Variants in FGF13 observed in about 807,000 individuals in gnomAD.
The protein encoded by FGF13 is fibroblast growth factor homologous factor 2.
FGF13 carries 2 observed loss-of-function variants against 19.5 expected under a neutral mutation model. That is an observed-to-expected ratio of 0.10 (90% CI 0.04 to 0.32). The LOEUF is 0.32. Among genes scored for constraint, FGF13 ranks in the 10% least tolerant of loss-of-function variants. FGF13 has a pLI of 1.00. For synonymous variants in FGF13, 72 were observed against 76.9 expected (o/e 0.94, Z 0.33); for missense variants, 113 against 192.7 (o/e 0.59, Z 2.45).
chrX:139,169,837 A>G (rs919947258), intron 1 of FGF13, among the ~76,000 whole-genome samples: 3 of 111,836 alleles, frequency 2.7e-5, no homozygotes, highest in Non-Finnish European at 5.6e-5. Context: ...GTGCCCAACC[A>G]TGACAGCAAG....
chrX:139,058,721 C>G (rs752838433), intron 1 of FGF13, among the ~76,000 whole-genome samples: 6 of 111,256 alleles, frequency 5.4e-5, no homozygotes, highest in Non-Finnish European at 1.1e-4. Flanking sequence ...TACACATCAA[C>G]AAATGTATTA....
At chrX:138,794,658 G>T (rs761752479) in intron 3 of FGF13, among the ~76,000 whole-genome samples, 1 of 111,461 alleles carries the variant, frequency 9.0e-6, no homozygotes, top group South Asian at 3.8e-4. Context: ...TTTAGTCGCG[G>T]AGAACATCAA....
intron 1 of FGF13, among the ~76,000 whole-genome samples, chrX:139,025,274 GCTACA>G (rs2092196697): frequency 9.0e-6 from 1 of 111,643 alleles, no homozygotes; most frequent in Admixed American, 9.5e-5. Context: ...TGGATTTTCA[GCTACA>G]CTCTTTTATA....
chrX:138,875,017 G>A (rs1176031620), intron 1 of FGF13, among the ~76,000 whole-genome samples: 3 of 110,171 alleles, frequency 2.7e-5, no homozygotes, highest in African/African-American at 6.6e-5. Flanking sequence ...CGAGGCGGGC[G>A]GATCATGAGG....
intron 1 of FGF13, among the ~76,000 whole-genome samples, chrX:138,965,188 C>G (rs1569431888): frequency 8.9e-6 from 1 of 112,636 alleles, no homozygotes; most frequent in East Asian, 2.8e-4. Flanking sequence ...CTCTCACCTC[C>G]ACTTCCTTTA....
chrX:138,978,310 T>G (rs1013449542), intron 1 of FGF13, among the ~76,000 whole-genome samples: 4 of 92,288 alleles, frequency 4.3e-5, no homozygotes, highest in Admixed American at 1.3e-4. Flanking sequence ...TCGCCCAGGC[T>G]GGAGTGCAGT....
chrX:138,997,275 C>G (rs1240364170), intron 1 of FGF13, among the ~76,000 whole-genome samples: 1 of 111,940 alleles, frequency 8.9e-6, no homozygotes, highest in East Asian at 2.8e-4. Flanking sequence ...CGCCTCTTCT[C>G]CTACAAAGGA....
At position 138,957,448 on chromosome X, in the gene FGF13, G is replaced by C. The variant is rs745694512; in HGVS notation, c.-112-92798C>G. 3.6e-5 allele frequency among the ~76,000 whole-genome samples: 4 copies of C among 111,978 alleles called. No homozygotes were observed. The East Asian group carries it at 1.1e-3, about 32-fold the overall frequency. ...TTAAAAGTTCAGACATCAGAAGCCA[G>C]GTAGCGTGATGCCTCCAGCTTTGTT... On this transcript the variant is annotated intron_variant, in intron 1 of 2. Transcript: ENST00000421460.
At chrX:139,040,912 G>A (rs2092267077) in intron 1 of FGF13, among the ~76,000 whole-genome samples, 1 of 110,541 alleles carries the variant, frequency 9.0e-6, no homozygotes, top group African/African-American at 3.3e-5. Flanking sequence ...GCAGGGATAT[G>A]GATGAAGTTG....
At chrX:138,651,946 A>G (rs2089379204) in intron 3 of FGF13, among the ~76,000 whole-genome samples, 1 of 111,417 alleles carries the variant, frequency 9.0e-6, no homozygotes, top group South Asian at 3.8e-4. Flanking sequence ...TTAATTTACA[A>G]TATAAAGCAG....
At position 138,984,497 on chromosome X, in the gene FGF13, GA is replaced by G. The variant is rs2091978560; in HGVS notation, c.-112-119848del. Among the ~76,000 whole-genome samples the G allele has an allele frequency of 7.6e-5, 6 of 79,392 alleles. 1 individual carries two copies. The highest frequency in any genetic ancestry group is 7.1e-4 in the South Asian group (1 of 1,399). 68.9% of individuals were successfully genotyped at this position (79,392 alleles called of 115,157 possible). A position where few individuals can be genotyped will look rare whatever the true frequency, so the allele number is the denominator to read the frequency against. On this transcript the variant is annotated intron_variant, in intron 1 of 2. Coordinates refer to the FGF13 transcript ENST00000421460. ...AGGAGAAGGAGAAGAAGGAGAAGGA[GA>G]AGGAGAAGAAGAGGAAGAAGAAGAG... is the stretch of plus-strand genomic sequence containing the variant.
rs113518495 is a variant in FGF13 at position 139,082,039 on chromosome X, G to A, written c.-113+121377C>T. ...AAATAATACCCAGATTGCTTCCCCC[G>A]ATCTTTAAGGTCCTGTATGATCTGA... On this transcript the variant is annotated intron_variant, in intron 1 of 2. Coordinates refer to the FGF13 transcript ENST00000421460. Among the ~76,000 whole-genome samples the A allele has an allele frequency of 5.3e-3, 591 of 110,934 alleles. 5 individuals are homozygous for A. The highest frequency in any genetic ancestry group is 0.019 in the African/African-American group (571 of 30,501).
At chrX:138,968,692 T>C (rs780778649) in intron 1 of FGF13, among the ~76,000 whole-genome samples, 3 of 112,147 alleles carry the variant, frequency 2.7e-5, no homozygotes, top group Non-Finnish European at 3.8e-5. Context: ...TCTGAAAAGA[T>C]ACAGAGAAAA....
intron 1 of FGF13, among the ~76,000 whole-genome samples, chrX:139,079,932 T>G (rs182765693): frequency 2.4e-3 from 266 of 110,425 alleles, no homozygotes; most frequent in African/African-American, 8.5e-3. Context: ...AGTGCCTTCT[T>G]CATGGTAAGT....
chrX:138,773,576 A>G (rs1324150674), intron 3 of FGF13, among the ~76,000 whole-genome samples: 8 of 112,364 alleles, frequency 7.1e-5, no homozygotes, highest in African/African-American at 2.6e-4. Flanking sequence ...TCATGCTACA[A>G]TATGTTGTCA....
At chrX:138,654,677 G>T (rs1032061537) in intron 3 of FGF13, among the ~76,000 whole-genome samples, 27 of 111,211 alleles carry the variant, frequency 2.4e-4, no homozygotes, top group Non-Finnish European at 4.3e-4. Context: ...GGAGGCGGAG[G>T]TTGCAATGAG....
intron 3 of FGF13, among the ~76,000 whole-genome samples, chrX:138,808,077 T>A (rs2090887004): frequency 9.0e-6 from 1 of 111,583 alleles, no homozygotes. Context: ...AACTCAGCTC[T>A]GCACCAAGCG....
At chrX:139,105,949 T>A (rs2083556384) in intron 1 of FGF13, among the ~76,000 whole-genome samples, 1 of 112,252 alleles carries the variant, frequency 8.9e-6, no homozygotes, top group African/African-American at 3.2e-5. Context: ...ATTCAATTCT[T>A]TAAGATCACT....
chrX:138,803,551 G>T (rs761278253), intron 3 of FGF13, among the ~76,000 whole-genome samples: 1 of 111,738 alleles, frequency 8.9e-6, no homozygotes, highest in Non-Finnish European at 1.9e-5. Flanking sequence ...AAACCTTTAG[G>T]ATTTCCATCC....
Sources: allele counts gnomAD v4.1 joint callset (sites outside exome capture counted in the v4.1 genomes callset), GRCh38; gene constraint gnomAD v4.1.1; transcripts MANE v1.5; gene names NCBI Gene and HGNC (gene_info 2026-07-23, HGNC 2026-07-21).